The following HIGD1A variants were observed in gnomAD, a reference collection of about 807,000 sequenced individuals.
The protein encoded by HIGD1A is HIG1 domain family member 1A, mitochondrial.
HIGD1A carries 8 observed loss-of-function variants against 11.3 expected under a neutral mutation model. The observed-to-expected ratio is 0.71, with a 90% CI of 0.42 to 1.28. HIGD1A has a LOEUF of 1.28. Ranked by LOEUF, HIGD1A falls within the 50% of genes most tolerant of loss-of-function variation. The probability of loss-of-function intolerance (pLI) is 0.01; values close to 1 mark genes in which losing one functional copy is unlikely to be tolerated. For missense variants in HIGD1A, 107 were observed against 118.8 expected, an observed-to-expected ratio of 0.90 and a Z score of 0.46; for synonymous variants, 32 against 38.4, an observed-to-expected ratio of 0.83 and a Z score of 0.62.
intron 1 of HIGD1A, among the ~76,000 whole-genome samples, chr3:42,795,709 G>A (rs886689070): frequency 1.8e-4 from 26 of 147,012 alleles, no homozygotes; most frequent in African/African-American, 6.2e-4. Context: ...GATAGTGTAT[G>A]AGTAAGGGGA....
intron 1 of HIGD1A, among the ~76,000 whole-genome samples, chr3:42,803,072 T>C (rs1700588593): frequency 6.6e-6 from 1 of 152,246 alleles, no homozygotes; most frequent in Non-Finnish European, 1.5e-5. Flanking sequence ...TGCCAGACTT[T>C]CCTTCATTAT....
At chr3:42,792,647 C>T (rs1195369688) in intron 2 of HIGD1A, among the ~76,000 whole-genome samples, 3 of 148,618 alleles carry the variant, frequency 2.0e-5, no homozygotes, top group Non-Finnish European at 3.0e-5. Context: ...GCACTCCAGC[C>T]TGGGCGACAG....
chr3:42,802,689 A>G (rs1700581858), intron 1 of HIGD1A, among the ~76,000 whole-genome samples: 1 of 152,216 alleles, frequency 6.6e-6, no homozygotes, highest in Non-Finnish European at 1.5e-5. Flanking sequence ...GAATAATCCA[A>G]GCCAATAGCC....
chr3:42,792,984 GAA>G (rs745632679), intron 2 of HIGD1A, among the ~76,000 whole-genome samples: 2 of 128,948 alleles, frequency 1.6e-5, no homozygotes, highest in African/African-American at 2.8e-5. Context: ...CTCCTTCTCG[GAA>G]AAAAAAAAAA....
chr3:42,804,373 C>T, intron 1 of HIGD1A, 63 bp downstream of exon 1: 1 of 555,416 alleles, frequency 1.8e-6, no homozygotes, highest in Non-Finnish European at 3.1e-6. Flanking sequence ...AAGCGCTGCC[C>T]CACTTCTTCC....
Position 42,804,461 on chromosome 3 carries a change from C to G in HIGD1A, c.-48G>C, listed in dbSNP as rs758014223. 48 of 476,532 alleles carry G rather than the reference C, an allele frequency of 1.0e-4. No homozygotes were observed. The highest frequency in any genetic ancestry group is 1.6e-4 in the Non-Finnish European group (42 of 269,168). The allele number at this position is 476,532 out of a possible 1,614,324, so 29.5% of individuals were successfully genotyped here. A position where few individuals can be genotyped will look rare whatever the true frequency, so the allele number is the denominator to read the frequency against. ...CTAGAGCGAGAAAACCTCTCACACC[C>G]CAACCGGCTTCCGATCCCTGCAGGC... On this transcript the variant is annotated 5_prime_UTR_variant, in exon 1 of 4. Coordinates refer to ENST00000321331, the MANE Select transcript of HIGD1A (RefSeq NM_014056.4).
intron 1 of HIGD1A, among the ~76,000 whole-genome samples, chr3:42,802,417 T>C (rs62246632): frequency 0.08 from 12,237 of 152,238 alleles, 714 homozygotes; most frequent in Non-Finnish European, 0.13. Context: ...ACCTTATGTG[T>C]ACATTTCAGA....
At chr3:42,789,221 T>C (rs957233205) in intron 2 of HIGD1A, among the ~76,000 whole-genome samples, 1 of 151,958 alleles carries the variant, frequency 6.6e-6, no homozygotes, top group African/African-American at 2.4e-5. Flanking sequence ...TTTGTATTTT[T>C]AGTAGAGATG....
At chr3:42,792,535 G>A (rs955705939) in intron 2 of HIGD1A, among the ~76,000 whole-genome samples, 2 of 151,904 alleles carry the variant, frequency 1.3e-5, no homozygotes, top group Non-Finnish European at 2.9e-5. Flanking sequence ...TTAGCCAGGC[G>A]TGGTGGCGAG....
intron 1 of HIGD1A, chr3:42,804,060 T>C: frequency 8.6e-7 from 1 of 1,157,698 alleles, no homozygotes; most frequent in East Asian, 2.6e-5. Context: ...TGTTCCAAGC[T>C]CCGGGGAAGC....
rs569040357 is a variant in HIGD1A at position 42,793,912 on chromosome 3, G to A, written c.97+245C>T. 2.6e-5 allele frequency among the ~76,000 whole-genome samples: 4 copies of A among 152,138 alleles called. No individual in the cohort carries two copies. The South Asian group carries it at 8.3e-4, about 32-fold the overall frequency. ...AAGAACCTGAGAGGTCGAGGGATGGGGGCAGTGAGCTATGATCAAGCCACT... is the reference window on the plus strand; with the variant it reads ...AAGAACCTGAGAGGTCGAGGGATGGAGGCAGTGAGCTATGATCAAGCCACT... On this transcript the variant is annotated intron_variant, in intron 2 of 3. Coordinates refer to ENST00000321331, the MANE Select transcript of HIGD1A (RefSeq NM_014056.4).
chr3:42,789,100 G>A (rs1391196671), intron 2 of HIGD1A, among the ~76,000 whole-genome samples: 2 of 142,126 alleles, frequency 1.4e-5, no homozygotes, highest in African/African-American at 5.2e-5. Context: ...GAGTGCAGTG[G>A]TGCAATCTCC....
At chr3:42,790,185 C>T (rs1559676085) in intron 2 of HIGD1A, among the ~76,000 whole-genome samples, 1 of 152,164 alleles carries the variant, frequency 6.6e-6, no homozygotes, top group African/African-American at 2.4e-5. Context: ...AGAAACTCTA[C>T]TGGTTTGCAG....
At chr3:42,789,496 G>A (rs1319189847) in intron 2 of HIGD1A, among the ~76,000 whole-genome samples, 4 of 68,756 alleles carry the variant, frequency 5.8e-5, no homozygotes, top group Admixed American at 2.0e-4. Context: ...TGAGACCTGT[G>A]TCTACAAAAA....
chr3:42,804,252 C>G, intron 1 of HIGD1A, 184 bp downstream of exon 1: 2 of 1,578,066 alleles, frequency 1.3e-6, no homozygotes, highest in Non-Finnish European at 1.7e-6. Flanking sequence ...CCCGACTCCT[C>G]TCATCCGCCC....
At chr3:42,794,956 A>G (rs1172062632) in intron 1 of HIGD1A, among the ~76,000 whole-genome samples, 2 of 152,020 alleles carry the variant, frequency 1.3e-5, no homozygotes, top group Non-Finnish European at 2.9e-5. Context: ...TGTCTCCTTC[A>G]TAGCCTTTTA....
At chr3:42,785,934 T>C in intron 3 of HIGD1A, 94 bp downstream of exon 3, 1 of 1,132,414 alleles carries the variant, frequency 8.8e-7, no homozygotes, top group South Asian at 1.3e-5. Context: ...ATTCTCCAAC[T>C]GCTAAAAGGT....
rs1446948144 is a variant in HIGD1A, at chr3:42,784,523, T to C, written c.*748A>G. 6.6e-6 allele frequency: 1 copy of C among 152,662 alleles called. No individual in the cohort carries two copies. Among genetic ancestry groups the C allele is most frequent in the African/African-American group, 2.4e-5 (1 of 41,460 alleles). 9.5% of individuals were successfully genotyped at this position (152,662 alleles called of 1,614,324 possible). ...TGTTTACAATTCTTATGGAAAAAATTAGCAACACACACATTTAAAACGTGT... is the reference window on the plus strand; with the variant it reads ...TGTTTACAATTCTTATGGAAAAAATCAGCAACACACACATTTAAAACGTGT... On this transcript the variant is annotated 3_prime_UTR_variant, in exon 4 of 4. Transcript: ENST00000321331.
At chr3:42,793,135 A>C (rs550680173) in intron 2 of HIGD1A, among the ~76,000 whole-genome samples, 1 of 152,334 alleles carries the variant, frequency 6.6e-6, no homozygotes, top group South Asian at 2.1e-4. Context: ...AATGGTAACA[A>C]CAGTTATATC....
Sources: allele counts gnomAD v4.1 joint callset (sites outside exome capture counted in the v4.1 genomes callset), GRCh38; gene constraint gnomAD v4.1.1; transcripts MANE v1.5; gene names NCBI Gene and HGNC (gene_info 2026-07-23, HGNC 2026-07-21).